Variants in DLG2 observed in about 807,000 individuals in gnomAD.
DLG2 encodes discs large MAGUK scaffold protein 2.
A neutral mutation model predicts 132.5 loss-of-function variants in DLG2; 45 were observed. The observed-to-expected ratio is 0.34, with a 90% CI of 0.27 to 0.44. The LOEUF is 0.44. Ranked by LOEUF, DLG2 falls within the 20% of genes least tolerant of loss-of-function variation. The pLI is 1.00. For missense variants in DLG2, 1,045 were observed against 1,196.9 expected (o/e 0.87, Z 1.87); for synonymous variants, 424 against 419.6 (o/e 1.01, Z -0.13).
chr11:85,095,224 A>C (rs1011595438), intron 6 of DLG2, among the ~76,000 whole-genome samples: 1 of 152,224 alleles, frequency 6.6e-6, no homozygotes, highest in African/African-American at 2.4e-5. Context: ...ATACTGCAAG[A>C]ATTACCAATA....
intron 6 of DLG2, among the ~76,000 whole-genome samples, chr11:85,040,209 C>A (rs543510994): frequency 6.6e-6 from 1 of 152,006 alleles, no homozygotes; most frequent in East Asian, 1.9e-4. Flanking sequence ...TTGCTGAATT[C>A]TCCTGGAAAA....
At chr11:84,631,726 A>C (rs891044602) in intron 6 of DLG2, among the ~76,000 whole-genome samples, 1 of 152,196 alleles carries the variant, frequency 6.6e-6, no homozygotes, top group South Asian at 2.1e-4. Flanking sequence ...CACTGAAAAG[A>C]AAGTTTTAAA....
chr11:84,036,926 G>A (rs2095878464), intron 11 of DLG2, among the ~76,000 whole-genome samples: 1 of 152,046 alleles, frequency 6.6e-6, no homozygotes, highest in Non-Finnish European at 1.5e-5. Context: ...TAGCTTCCAA[G>A]GACTCATGCA....
chr11:85,302,886 A>G (rs904936058), intron 3 of DLG2, among the ~76,000 whole-genome samples: 2 of 152,236 alleles, frequency 1.3e-5, no homozygotes, highest in African/African-American at 2.4e-5. Context: ...TAAAAAATTC[A>G]AATGCATTAT....
chr11:85,028,855 G>C (rs1005917047), intron 6 of DLG2, among the ~76,000 whole-genome samples: 3 of 152,224 alleles, frequency 2.0e-5, no homozygotes, highest in Non-Finnish European at 2.9e-5. Context: ...CTCTGAAAAG[G>C]GCTGGGCTCC....
At chr11:85,307,294 G>A (rs1191497244) in intron 3 of DLG2, among the ~76,000 whole-genome samples, 1 of 151,838 alleles carries the variant, frequency 6.6e-6, no homozygotes, top group Non-Finnish European at 1.5e-5. Context: ...AGAAATAGAA[G>A]ACTCAAGACA....
intron 11 of DLG2, among the ~76,000 whole-genome samples, chr11:84,052,726 G>A (rs2096417084): frequency 6.6e-6 from 1 of 151,398 alleles, no homozygotes; most frequent in South Asian, 2.1e-4. Context: ...GCAAGGTTGT[G>A]GAGAAAATGG....
chr11:83,848,957 A>C (rs955172968), intron 16 of DLG2, among the ~76,000 whole-genome samples: 1 of 152,222 alleles, frequency 6.6e-6, no homozygotes, highest in Non-Finnish European at 1.5e-5. Context: ...GCATTATAGC[A>C]CTATCACTTA....
At chr11:84,055,992 C>T (rs2096491396) in intron 11 of DLG2, among the ~76,000 whole-genome samples, 1 of 151,988 alleles carries the variant, frequency 6.6e-6, no homozygotes, top group Non-Finnish European at 1.5e-5. Flanking sequence ...GCTCAGTTGG[C>T]TACATTTTTG....
At chr11:84,385,671 T>C (rs539471694) in intron 7 of DLG2, among the ~76,000 whole-genome samples, 16 of 152,092 alleles carry the variant, frequency 1.1e-4, no homozygotes, top group Non-Finnish European at 2.4e-4. Flanking sequence ...GCCTAGCTCA[T>C]AATAGACATT....
In DLG2 at chr11:84,444,093, C is replaced by T. The variant is rs144259694; in HGVS notation, c.519+90477G>A. Among the ~76,000 whole-genome samples, 26 of 151,662 alleles carry T rather than the reference C, an allele frequency of 1.7e-4. No individual in the cohort carries two copies. The East Asian group carries it at 4.7e-3, about 27-fold the overall frequency. On this transcript the variant is annotated intron_variant, in intron 7 of 27. Transcript: ENST00000376104. ...GAATGGAGCTGAAAGCCTTTATCAT[C>T]AGCCAATTAATGCAGGAACAGAAAA...
chr11:84,368,642 T>C (rs1204506922), intron 7 of DLG2, among the ~76,000 whole-genome samples: 1 of 152,138 alleles, frequency 6.6e-6, no homozygotes, highest in Non-Finnish European at 1.5e-5. Flanking sequence ...AGTGGCAATG[T>C]AACACTAAGT....
intron 16 of DLG2, among the ~76,000 whole-genome samples, chr11:83,855,553 A>T (rs897915064): frequency 3.3e-5 from 5 of 152,364 alleles, no homozygotes; most frequent in African/African-American, 7.2e-5. Flanking sequence ...GCATATAAGC[A>T]AAAGAAGCCA....
At chr11:84,475,571 T>C (rs898240241) in intron 7 of DLG2, among the ~76,000 whole-genome samples, 5 of 152,076 alleles carry the variant, frequency 3.3e-5, no homozygotes, top group African/African-American at 7.2e-5. Flanking sequence ...TGAGAGACAA[T>C]TGTTTTGCAA....
intron 18 of DLG2, among the ~76,000 whole-genome samples, chr11:83,724,486 A>T (rs548835718): frequency 0.35 from 50,164 of 141,730 alleles, 10,152 homozygotes; most frequent in African/African-American, 0.57. Context: ...TGAGAGAGAG[A>T]GAGAGAGAGA....
intron 6 of DLG2, chr11:85,021,683 C>A (rs1432698767): frequency 9.8e-7 from 1 of 1,025,028 alleles, no homozygotes; most frequent in South Asian, 1.3e-5. Context: ...TCTCACACAG[C>A]TGAAAATGTG....
At chr11:85,460,889 A>T (rs1205346950) in intron 3 of DLG2, among the ~76,000 whole-genome samples, 1 of 152,098 alleles carries the variant, frequency 6.6e-6, no homozygotes, top group Non-Finnish European at 1.5e-5. Flanking sequence ...GCTGTTGGTT[A>T]GGTTTTATTT....
intron 6 of DLG2, among the ~76,000 whole-genome samples, chr11:84,863,348 T>C (rs2084047371): frequency 6.6e-6 from 1 of 152,162 alleles, no homozygotes; most frequent in Non-Finnish European, 1.5e-5. Flanking sequence ...TTTTCCTGGA[T>C]AAACCTCTGT....
intron 6 of DLG2, among the ~76,000 whole-genome samples, chr11:84,619,110 A>G (rs561553327): frequency 5.9e-5 from 9 of 152,042 alleles, no homozygotes; most frequent in African/African-American, 2.2e-4. Flanking sequence ...GCAAACAAAA[A>G]ACATTGACAA....
Sources: allele counts gnomAD v4.1 joint callset (sites outside exome capture counted in the v4.1 genomes callset), GRCh38; gene constraint gnomAD v4.1.1; transcripts MANE v1.5; gene names NCBI Gene and HGNC (gene_info 2026-07-23, HGNC 2026-07-21).